MID1: variants seen among roughly 807,000 people sequenced by gnomAD.
MID1 encodes the protein E3 ubiquitin-protein ligase Midline-1.
A neutral mutation model predicts 40.4 loss-of-function variants in MID1; 7 were observed. That is an observed-to-expected ratio of 0.17 (90% CI 0.10 to 0.33). The LOEUF is 0.33. MID1 is among the 10% of genes least tolerant of loss of function. MID1 has a pLI of 1.00. For missense variants in MID1, 367 were observed against 558.5 expected (o/e 0.66, Z 3.46); for synonymous variants, 229 against 221.2 (o/e 1.04, Z -0.31).
chrX:10,662,217 T>A (rs1302731628), intron 1 of MID1, among the ~76,000 whole-genome samples: 1 of 111,443 alleles, frequency 9.0e-6, no homozygotes, highest in African/African-American at 3.3e-5. Context: ...GGCAGGAGAA[T>A]CTCTTGAACC....
chrX:10,718,660 C>A (rs1244448050), intron 1 of MID1, among the ~76,000 whole-genome samples: 2 of 111,526 alleles, frequency 1.8e-5, no homozygotes, highest in Admixed American at 9.5e-5. Flanking sequence ...CGATTCCAAT[C>A]AATAGAAAAA....
chrX:10,798,922 G>T (rs776877912), intron 1 of MID1, among the ~76,000 whole-genome samples: 10 of 111,863 alleles, frequency 8.9e-5, no homozygotes, highest in Non-Finnish European at 1.5e-4. Flanking sequence ...GGTAAGAGAA[G>T]ATGGATCTTT....
chrX:10,778,712 G>A (rs896673496), intron 1 of MID1, among the ~76,000 whole-genome samples: 1 of 112,501 alleles, frequency 8.9e-6, no homozygotes, highest in African/African-American at 3.2e-5. Context: ...TGAAAATGGA[G>A]GAAGGCACCA....
At chrX:10,668,800 T>C (rs1383250670) in intron 1 of MID1, among the ~76,000 whole-genome samples, 1 of 112,830 alleles carries the variant, frequency 8.9e-6, no homozygotes, top group East Asian at 2.8e-4. Flanking sequence ...GGTAAGTCAT[T>C]GAATAAAATA....
At chrX:10,824,670 C>T (rs1602599960) in intron 1 of MID1, among the ~76,000 whole-genome samples, 1 of 112,295 alleles carries the variant, frequency 8.9e-6, no homozygotes, top group African/African-American at 3.2e-5. Flanking sequence ...AAAAATTGCA[C>T]TTCTGTCTTG....
At chrX:10,588,379 C>T (rs896392322) in intron 1 of MID1, among the ~76,000 whole-genome samples, 6 of 110,892 alleles carry the variant, frequency 5.4e-5, no homozygotes, top group Non-Finnish European at 7.5e-5. Context: ...CTGGGCCATT[C>T]GCGGGTTACT....
upstream of MID1, among the ~76,000 whole-genome samples, chrX:10,621,108 T>G (rs1358019395): frequency 3.6e-5 from 4 of 112,201 alleles, no homozygotes; most frequent in Non-Finnish European, 7.5e-5. Context: ...TGCACACAAT[T>G]TTTTTGAAAT....
At chrX:10,706,038 C>T (rs2043229087) in intron 1 of MID1, among the ~76,000 whole-genome samples, 1 of 111,157 alleles carries the variant, frequency 9.0e-6, no homozygotes. Context: ...GTTATGGGGA[C>T]TGCTGTCCTA....
chrX:10,603,916 T>C (rs1229765990), intron 1 of MID1, among the ~76,000 whole-genome samples: 1 of 111,415 alleles, frequency 9.0e-6, no homozygotes, highest in Non-Finnish European at 1.9e-5. Context: ...ACGATATAGA[T>C]TCTGTGGCAA....
intron 1 of MID1, among the ~76,000 whole-genome samples, chrX:10,585,983 G>A (rs758450156): frequency 9.0e-6 from 1 of 111,049 alleles, no homozygotes; most frequent in African/African-American, 3.3e-5. Context: ...TCGTTTATGA[G>A]CCTCCACCAG....
At chrX:10,505,726 T>C in intron 3 of MID1, 1 of 753,783 alleles carries the variant, frequency 1.3e-6, no homozygotes, top group Non-Finnish European at 1.6e-6. Context: ...GGAAGGGAAG[T>C]TATTTCTAAT....
intron 1 of MID1, among the ~76,000 whole-genome samples, chrX:10,568,252 G>A (rs1390757977): frequency 2.7e-5 from 3 of 111,835 alleles, no homozygotes; most frequent in Non-Finnish European, 5.6e-5. Flanking sequence ...TGTGATAGAG[G>A]CAATATTTTT....
intron 1 of MID1, among the ~76,000 whole-genome samples, chrX:10,588,459 G>A (rs1774560997): frequency 9.0e-6 from 1 of 111,600 alleles, no homozygotes. Context: ...TGACAACAAA[G>A]TAGTATTAGA....
intron 1 of MID1, among the ~76,000 whole-genome samples, chrX:10,632,463 GGAGCA>G (rs1936063022): frequency 9.0e-6 from 1 of 111,578 alleles, no homozygotes; most frequent in African/African-American, 3.3e-5. Context: ...GCTGGGCCTT[GGAGCA>G]GAGTTTTTAA....
At chrX:10,640,594 T>G (rs776389789) in intron 1 of MID1, among the ~76,000 whole-genome samples, 9 of 111,073 alleles carry the variant, frequency 8.1e-5, no homozygotes, top group African/African-American at 3.0e-4. Context: ...CTGTCAACAT[T>G]AGACAAATCA....
At chrX:10,590,267 G>T (rs1238868587) in intron 1 of MID1, among the ~76,000 whole-genome samples, 2 of 111,779 alleles carry the variant, frequency 1.8e-5, no homozygotes, top group Non-Finnish European at 3.8e-5. Flanking sequence ...CCTGCCTTTA[G>T]TTTTGCTTCT....
intron 7 of MID1, among the ~76,000 whole-genome samples, chrX:10,463,908 G>A (rs1232249955): frequency 8.9e-6 from 1 of 112,288 alleles, no homozygotes; most frequent in African/African-American, 3.2e-5. Context: ...TTTGCCTATC[G>A]GTTAGCTTTT....
rs12015022 is a variant in MID1, at chrX:10,711,751, G to C, written c.-186-91332C>G. 3.1e-3 allele frequency among the ~76,000 whole-genome samples: 345 copies of C among 112,774 alleles called. 2 individuals carry two copies. Among genetic ancestry groups the C allele is most frequent in the African/African-American group, 0.011 (330 of 31,117 alleles). ...GAAAGTGAAGCTCAAGTGCATTATAGTGGCATGTTCTTACGAATGTATCTT... is the reference window on the plus strand; with the variant it reads ...GAAAGTGAAGCTCAAGTGCATTATACTGGCATGTTCTTACGAATGTATCTT... On this transcript the variant is annotated intron_variant, in intron 1 of 10. Coordinates refer to the MID1 transcript ENST00000380785.
intron 1 of MID1, among the ~76,000 whole-genome samples, chrX:10,571,490 C>CT (rs757552435): frequency 0.012 from 1,079 of 92,670 alleles, 15 homozygotes; most frequent in African/African-American, 0.03. Context: ...CCATTCATTC[C>CT]TTTTTTTTTT....
Sources: allele counts gnomAD v4.1 joint callset (sites outside exome capture counted in the v4.1 genomes callset), GRCh38; gene constraint gnomAD v4.1.1; transcripts MANE v1.5; gene names NCBI Gene and HGNC (gene_info 2026-07-23, HGNC 2026-07-21).